KAZN: variants seen among roughly 807,000 people sequenced by gnomAD.
KAZN encodes the protein kazrin.
KAZN carries 40 observed loss-of-function variants against 87.4 expected under a neutral mutation model. That is an observed-to-expected ratio of 0.46 (90% CI 0.36 to 0.60). KAZN has a LOEUF of 0.60. KAZN is among the 20% of genes least tolerant of loss of function. The pLI is 0.00. For synonymous variants in KAZN, 466 were observed against 458.3 expected, an observed-to-expected ratio of 1.02 and a Z score of -0.22; for missense variants, 898 against 1,073.9, an observed-to-expected ratio of 0.84 and a Z score of 2.29.
At chr1:15,043,959 C>T (rs1300028892) in intron 3 of KAZN, 30 bp from the exon 4 acceptor site, 1 of 1,581,582 alleles carries the variant, frequency 6.3e-7, no homozygotes, top group Non-Finnish European at 8.6e-7. Flanking sequence ...CTGTAACACC[C>T]ACGGTGCTCT....
At chr1:14,783,076 G>C (rs1222785732) in intron 1 of KAZN, among the ~76,000 whole-genome samples, 1 of 152,060 alleles carries the variant, frequency 6.6e-6, no homozygotes, top group Non-Finnish European at 1.5e-5. Flanking sequence ...GAAAATTGCT[G>C]CCTTTAGGGG....
chr1:14,834,477 T>TGG (rs1250068458), intron 1 of KAZN, among the ~76,000 whole-genome samples: 1 of 149,208 alleles, frequency 6.7e-6, no homozygotes, highest in Non-Finnish European at 1.5e-5. Context: ...TTCTCCTGCC[T>TGG]CAGCCTCCCA....
At position 14,454,984 on chromosome 1, in the gene KAZN, G is replaced by A. The variant is rs147531377; in HGVS notation, c.250-143999G>A. 1.4e-3 allele frequency among the ~76,000 whole-genome samples: 209 copies of A among 152,282 alleles called. 1 individual carries two copies. Among genetic ancestry groups the A allele is most frequent in the African/African-American group, 4.9e-3 (205 of 41,572 alleles). ...CCTGAAGGCTTGACCAGGGCCAGAAGCAGGAAGCCTCCATTCCTCACCTTG... is the reference window on the plus strand; with the variant it reads ...CCTGAAGGCTTGACCAGGGCCAGAAACAGGAAGCCTCCATTCCTCACCTTG... On this transcript the variant is annotated intron_variant, in intron 2 of 16. Transcript: ENST00000636203.
intron 2 of KAZN, among the ~76,000 whole-genome samples, chr1:14,518,549 AATTT>A (rs1231596744): frequency 6.6e-6 from 1 of 152,212 alleles, no homozygotes; most frequent in East Asian, 1.9e-4. Flanking sequence ...CCAGGTGATG[AATTT>A]GCCAAGGAAG....
At chr1:14,778,450 C>A (rs916533433) in intron 1 of KAZN, among the ~76,000 whole-genome samples, 1 of 151,724 alleles carries the variant, frequency 6.6e-6, no homozygotes, top group Non-Finnish European at 1.5e-5. Flanking sequence ...AAGGGGACAT[C>A]ATGAGGCAAT....
intron 2 of KAZN, among the ~76,000 whole-genome samples, chr1:14,233,080 C>T (rs1030149843): frequency 1.3e-5 from 2 of 152,126 alleles, no homozygotes; most frequent in Non-Finnish European, 1.5e-5. Context: ...ATGCCTCTGC[C>T]TCTCAGTATC....
chr1:14,166,945 G>C (rs1367808491), intron 1 of KAZN, among the ~76,000 whole-genome samples: 1 of 152,236 alleles, frequency 6.6e-6, no homozygotes, highest in African/African-American at 2.4e-5. Context: ...TGAAGAATAA[G>C]TTGCAAATAT....
At chr1:14,154,721 CA>C (rs1645550534) in intron 1 of KAZN, among the ~76,000 whole-genome samples, 1 of 152,158 alleles carries the variant, frequency 6.6e-6, no homozygotes. Context: ...TTAATTTTAT[CA>C]AATGCTTTTT....
chr1:14,965,271 C>G (rs543026681), intron 2 of KAZN, among the ~76,000 whole-genome samples: 1 of 152,166 alleles, frequency 6.6e-6, no homozygotes, highest in Admixed American at 6.5e-5. Flanking sequence ...CTGCCCGGGT[C>G]GGCTTTCCAA....
intron 2 of KAZN, among the ~76,000 whole-genome samples, chr1:14,985,567 G>A (rs1225236985): frequency 2.0e-5 from 3 of 151,994 alleles, no homozygotes; most frequent in Admixed American, 2.0e-4. Flanking sequence ...TGGAATGAAA[G>A]AATGAGAAGG....
At chr1:13,922,124 A>AC (rs915103635) in intron 1 of KAZN, among the ~76,000 whole-genome samples, 4 of 152,112 alleles carry the variant, frequency 2.6e-5, no homozygotes, top group African/African-American at 9.7e-5. Flanking sequence ...TTAGAAGCTC[A>AC]CCCTTAGGTG....
rs989105709 is a variant in KAZN at position 14,128,744 on chromosome 1, A to C, written c.92-51691A>C. ...GGTGAGGAGGGACATATTCCAGCCCATAATAGGTGTCCTCACTGTTTATTG... is the reference window on the plus strand; with the variant it reads ...GGTGAGGAGGGACATATTCCAGCCCCTAATAGGTGTCCTCACTGTTTATTG... On this transcript the variant is annotated intron_variant, in intron 1 of 16. Coordinates refer to the KAZN transcript ENST00000636203. 2.0e-5 allele frequency among the ~76,000 whole-genome samples: 3 copies of C among 152,182 alleles called. No individual in the cohort carries two copies. The East Asian group carries it at 5.8e-4, about 29-fold the overall frequency.
intron 1 of KAZN, among the ~76,000 whole-genome samples, chr1:14,719,149 G>T (rs562786481): frequency 4.6e-5 from 7 of 152,322 alleles, no homozygotes; most frequent in Admixed American, 2.0e-4. Flanking sequence ...CTCAGCTTCT[G>T]CAAGGCAGGG....
At position 14,735,559 on chromosome 1, in the gene KAZN, C is replaced by T. The variant is rs1166504404; in HGVS notation, c.226+136336C>T. 6.6e-6 allele frequency among the ~76,000 whole-genome samples: 1 copy of T among 152,142 alleles called. No homozygotes were observed. The highest frequency in any genetic ancestry group is 1.5e-5 in the Non-Finnish European group (1 of 68,028). On this transcript the variant is annotated intron_variant, in intron 1 of 14. Coordinates refer to ENST00000376030, the MANE Select transcript of KAZN (RefSeq NM_201628.3). The surrounding 1 kb of genome is among the most constrained non-coding windows in gnomAD (Gnocchi z 4.3). ...CAGGCTCAGAGAGAATGTGCTAAAC[C>T]CCACACACCTAACGGCCGTTTTCAC...
intron 1 of KAZN, among the ~76,000 whole-genome samples, chr1:13,909,591 G>A (rs1423681324): frequency 1.3e-5 from 2 of 152,116 alleles, no homozygotes; most frequent in Admixed American, 6.5e-5. Context: ...TCAGAGAATT[G>A]CAAATCAATA....
intron 2 of KAZN, among the ~76,000 whole-genome samples, chr1:14,182,839 T>A (rs12736419): frequency 6.6e-6 from 1 of 151,976 alleles, no homozygotes; most frequent in Admixed American, 6.6e-5. Context: ...GGGAGGCCGA[T>A]AGAATGTAGA....
intron 1 of KAZN, among the ~76,000 whole-genome samples, chr1:14,895,391 G>A (rs1258185711): frequency 1.3e-5 from 2 of 152,198 alleles, no homozygotes; most frequent in Admixed American, 6.5e-5. Context: ...TGGAGCTGTC[G>A]CAGCCTAATT....
At chr1:14,111,743 T>C (rs1455385530) in intron 1 of KAZN, among the ~76,000 whole-genome samples, 1 of 85,834 alleles carries the variant, frequency 1.2e-5, no homozygotes, top group Non-Finnish European at 2.4e-5. Flanking sequence ...TTCTTTTCTT[T>C]TTTTTTTTTT....
intron 1 of KAZN, among the ~76,000 whole-genome samples, chr1:13,920,728 G>T (rs1354397584): frequency 1.3e-5 from 2 of 152,084 alleles, no homozygotes; most frequent in African/African-American, 4.8e-5. Context: ...CTGGTTGGAG[G>T]GGAGGTTATC....
Sources: allele counts gnomAD v4.1 joint callset (sites outside exome capture counted in the v4.1 genomes callset), GRCh38; gene constraint gnomAD v4.1.1; non-coding constraint Gnocchi (gnomAD v3.1); transcripts MANE v1.5; gene names NCBI Gene and HGNC (gene_info 2026-07-23, HGNC 2026-07-21).